ARHGAP22: variants seen among roughly 807,000 people sequenced by gnomAD.
The protein encoded by ARHGAP22 is rho GTPase-activating protein 22.
Under a neutral mutation model 59.1 loss-of-function variants are expected in ARHGAP22, and 48 were observed. That is an observed-to-expected ratio of 0.81 (90% CI 0.64 to 1.03). The LOEUF is 1.03. Among genes scored for constraint, ARHGAP22 ranks in the 50% least tolerant of loss-of-function variants. ARHGAP22 has a pLI of 0.00. For synonymous variants in ARHGAP22, 445 were observed against 416.4 expected (o/e 1.07, Z -0.84); for missense variants, 1,015 against 958.7 (o/e 1.06, Z -0.78).
chr10:48,598,977 T>C (rs993064533), intron 1 of ARHGAP22, among the ~76,000 whole-genome samples: 4 of 152,224 alleles, frequency 2.6e-5, no homozygotes, highest in African/African-American at 9.6e-5. Flanking sequence ...CCTTCCTGGC[T>C]GGCAAGTTCT....
chr10:48,509,094 G>A (rs1283336129), intron 3 of ARHGAP22, among the ~76,000 whole-genome samples: 1 of 152,246 alleles, frequency 6.6e-6, no homozygotes. Flanking sequence ...CTCATTGTCA[G>A]TCCACCCAAC....
intron 1 of ARHGAP22, among the ~76,000 whole-genome samples, chr10:48,619,379 A>G (rs1235434862): frequency 1.3e-5 from 2 of 152,210 alleles, no homozygotes. Context: ...GACCCCAAGT[A>G]GTCAAAGGAA....
chr10:48,655,235 G>A (rs1157146154), upstream of ARHGAP22, among the ~76,000 whole-genome samples: 2 of 92,818 alleles, frequency 2.2e-5, no homozygotes, highest in African/African-American at 7.6e-5. Context: ...ACACCATGGA[G>A]AGTGGATGTG....
downstream of ARHGAP22, chr10:48,445,984 A>G: frequency 4.2e-6 from 1 of 237,866 alleles, no homozygotes; most frequent in Non-Finnish European, 8.2e-6. Flanking sequence ...GTGGTCCTGT[A>G]TTGTGTCCTG....
chr10:48,568,922 C>T (rs912777996), intron 2 of ARHGAP22, among the ~76,000 whole-genome samples: 1 of 152,242 alleles, frequency 6.6e-6, no homozygotes, highest in Non-Finnish European at 1.5e-5. Context: ...GAAGAACAGA[C>T]CCAGCTACTC....
At chr10:48,453,219 G>A (rs945011400) in intron 8 of ARHGAP22, 85 bp downstream of exon 8, 1 of 1,589,004 alleles carries the variant, frequency 6.3e-7, no homozygotes, top group South Asian at 1.1e-5. Context: ...GCCCTGGGCT[G>A]GGATGGTTCC....
the ARHGAP22 span, among the ~76,000 whole-genome samples, chr10:48,433,572 C>T: frequency 1.3e-5 from 2 of 152,286 alleles, no homozygotes; most frequent in African/African-American, 2.4e-5. Flanking sequence ...CTGAAATGCT[C>T]ATCCTGCTTT....
intron 3 of ARHGAP22, among the ~76,000 whole-genome samples, chr10:48,551,586 G>A (rs927187210): frequency 3.3e-5 from 5 of 152,342 alleles, no homozygotes; most frequent in Non-Finnish European, 5.9e-5. Flanking sequence ...TGTCCCCGCA[G>A]CTTCAGGGAG....
At chr10:48,556,870 C>T (rs925276869) in intron 2 of ARHGAP22, among the ~76,000 whole-genome samples, 6 of 152,122 alleles carry the variant, frequency 3.9e-5, no homozygotes, top group African/African-American at 1.4e-4. Context: ...TCGCCTCCTG[C>T]CTCTACCCCC....
chr10:48,530,776 T>C (rs1426409584), intron 3 of ARHGAP22, among the ~76,000 whole-genome samples: 4 of 152,188 alleles, frequency 2.6e-5, no homozygotes, highest in Admixed American at 6.5e-5. Context: ...AAAATAGATG[T>C]TGGCGTGGAT....
At chr10:48,600,928 C>T (rs74323443) in intron 1 of ARHGAP22, among the ~76,000 whole-genome samples, 42 of 152,294 alleles carry the variant, frequency 2.8e-4, no homozygotes, top group African/African-American at 9.9e-4. Flanking sequence ...GCCTCTAGTC[C>T]CTGGCTAAGC....
At chr10:48,579,193 A>G (rs1016385010) in intron 2 of ARHGAP22, among the ~76,000 whole-genome samples, 1 of 151,844 alleles carries the variant, frequency 6.6e-6, no homozygotes, top group Non-Finnish European at 1.5e-5. Flanking sequence ...TTCGGAAGTT[A>G]TACTTTCCAT....
intron 3 of ARHGAP22, among the ~76,000 whole-genome samples, chr10:48,481,483 T>G (rs145827512): frequency 0.021 from 3,218 of 152,268 alleles, 53 homozygotes; most frequent in Middle Eastern, 0.031. Flanking sequence ...TATTCACTTT[T>G]GTACCTAATC....
chr10:48,630,094 A>T lies in ARHGAP22; in HGVS notation c.52+22140T>A, dbSNP rs559216454. ...CTATATACCAAGTTAGAAAGAAGTG[A>T]CTTTTTTTTCTTTTTTCAGACGGAG... On this transcript the variant is annotated intron_variant, in intron 1 of 9. Transcript: ENST00000435790. Among the ~76,000 whole-genome samples, 7 of 120,986 alleles carry T rather than the reference A, an allele frequency of 5.8e-5. No homozygotes were observed. In the East Asian group the frequency reaches 1.7e-3, roughly 29 times the overall value. 79.4% of individuals were successfully genotyped at this position (120,986 alleles called of 152,430 possible). A position where few individuals can be genotyped will look rare whatever the true frequency, so the allele number is the denominator to read the frequency against.
At chr10:48,624,446 AAGAGAGAAAG>A (rs200898692) in intron 1 of ARHGAP22, 1,709 of 152,390 alleles carry the variant, frequency 0.011, 22 homozygotes, top group Middle Eastern at 0.037. Context: ...TCTCCAAAAG[AAGAGAGAAAG>A]AGAGAGAAAG....
intron 3 of ARHGAP22, among the ~76,000 whole-genome samples, chr10:48,486,847 G>A (rs939870780): frequency 6.6e-6 from 1 of 152,152 alleles, no homozygotes; most frequent in Non-Finnish European, 1.5e-5. Flanking sequence ...ATTTTTGAAA[G>A]ATATTCTCAC....
the ARHGAP22 span, among the ~76,000 whole-genome samples, chr10:48,434,264 G>A: frequency 1.3e-5 from 2 of 152,198 alleles, no homozygotes; most frequent in African/African-American, 4.8e-5. Flanking sequence ...TAGGCCACTT[G>A]AGTGACAGTG....
intron 3 of ARHGAP22, among the ~76,000 whole-genome samples, chr10:48,490,660 T>C (rs572053004): frequency 1.6e-4 from 25 of 152,340 alleles, no homozygotes; most frequent in Admixed American, 2.6e-4. Flanking sequence ...CAAGGCAGGA[T>C]GTTGGGAGCC....
chr10:48,474,353 T>A (rs1389817179), intron 4 of ARHGAP22, among the ~76,000 whole-genome samples: 1 of 152,244 alleles, frequency 6.6e-6, no homozygotes, highest in Non-Finnish European at 1.5e-5. Flanking sequence ...TTTTGTACTT[T>A]CTGTACACAA....
Sources: gnomAD v4.1 joint callset for allele counts (sites outside exome capture counted in the v4.1 genomes callset) on GRCh38, gnomAD v4.1.1 for gene constraint, MANE v1.5 for transcripts, NCBI Gene and HGNC (gene_info 2026-07-23, HGNC 2026-07-21) for gene names.